SLC1A2: variants seen among roughly 807,000 people sequenced by gnomAD.
SLC1A2 encodes excitatory amino acid transporter 2.
In SLC1A2, 15 loss-of-function variants were observed where a neutral mutation model predicts 48.8. That is an observed-to-expected ratio of 0.31 (90% CI 0.21 to 0.47). The LOEUF (loss-of-function observed/expected upper bound fraction) is 0.47. Among genes scored for constraint, SLC1A2 ranks in the 20% least tolerant of loss-of-function variants. SLC1A2 has a pLI of 0.99. For synonymous variants in SLC1A2, 279 were observed against 272.6 expected (o/e 1.02, Z -0.23); for missense variants, 502 against 730.5 (o/e 0.69, Z 3.61).
intron 1 of SLC1A2, among the ~76,000 whole-genome samples, chr11:35,401,807 C>A (rs1053499003): frequency 1.3e-5 from 2 of 152,038 alleles, no homozygotes; most frequent in Non-Finnish European, 2.9e-5. Flanking sequence ...GTGTTGGAAA[C>A]CTTAAAGCGC....
intron 3 of SLC1A2, among the ~76,000 whole-genome samples, 184 bp downstream of exon 3, chr11:35,314,839 C>T (rs1033940908): frequency 1.4e-5 from 2 of 143,154 alleles, no homozygotes; most frequent in Non-Finnish European, 3.0e-5. Flanking sequence ...ACTGACTAAT[C>T]GATGGCAAGC....
intron 10 of SLC1A2, among the ~76,000 whole-genome samples, chr11:35,264,386 T>A (rs1020795252): frequency 1.3e-5 from 2 of 152,214 alleles, no homozygotes; most frequent in African/African-American, 4.8e-5. Flanking sequence ...GTCAAAAAGC[T>A]ACCAGAGATC....
At chr11:35,290,366 A>C (rs916480588) in intron 7 of SLC1A2, among the ~76,000 whole-genome samples, 1 of 152,214 alleles carries the variant, frequency 6.6e-6, no homozygotes, top group African/African-American at 2.4e-5. Context: ...ATTATTATGC[A>C]GTTTAAAAAA....
rs1312015281 is a variant in SLC1A2, at chr11:35,256,803, G to C, written c.*4091C>G. 2.0e-5 allele frequency: 3 copies of C among 152,082 alleles called. No individual in the cohort carries two copies. The highest frequency in any genetic ancestry group is 7.2e-5 in the African/African-American group (3 of 41,406). The allele number at this position is 152,082 out of a possible 1,614,324, so 9.4% of individuals were successfully genotyped here. On this transcript the variant is annotated 3_prime_UTR_variant, in exon 11 of 11. Coordinates refer to ENST00000278379, the MANE Select transcript of SLC1A2 (RefSeq NM_004171.4). ...CGTAAGAGTTAGAGAGCAGCTAGGTGAGAAAAATCACTTCCACTGGGGTAT... is the reference window on the plus strand; with the variant it reads ...CGTAAGAGTTAGAGAGCAGCTAGGTCAGAAAAATCACTTCCACTGGGGTAT...
At chr11:35,287,069 T>A in intron 7 of SLC1A2, 118 bp from the exon 8 acceptor site, 2 of 785,998 alleles carry the variant, frequency 2.5e-6, no homozygotes, top group Non-Finnish European at 4.1e-6. Context: ...AATCAAGCAA[T>A]GTGACATGCA....
Position 35,419,141 on chromosome 11 carries a change from G to C in SLC1A2, c.-175C>G. ...TTTAGCGCCTCAACGGGCGCAGGAG[G>C]CTCCTGCGGGCGCTAATCCGCGTCC... is the stretch of plus-strand genomic sequence containing the variant. On this transcript the variant is annotated 5_prime_UTR_variant, in exon 1 of 11. Transcript: ENST00000278379. This position sits in a 1 kb window ranked among gnomAD's most constrained non-coding sequence, Gnocchi z 5.4. 2.0e-6 allele frequency: 1 copy of C among 504,916 alleles called. No individual in the cohort carries two copies. Among genetic ancestry groups the C allele is most frequent in the Non-Finnish European group, 3.5e-6 (1 of 287,148 alleles). The allele number at this position is 504,916 out of a possible 1,614,324, so 31.3% of individuals were successfully genotyped here.
chr11:35,404,803 T>TA (rs1855236441), intron 1 of SLC1A2, among the ~76,000 whole-genome samples: 2 of 152,142 alleles, frequency 1.3e-5, no homozygotes, highest in African/African-American at 4.8e-5. Flanking sequence ...AGAAAGCAAA[T>TA]AAAGTAAAAA....
Position 35,419,253 on chromosome 11 carries a change from T to G in SLC1A2, c.-287A>C. ...AGCTCCGGGGGCTCCGAGGGTGGCT[T>G]CCCCGAGAGAGCGATGCGCCCAGGG... On this transcript the variant is annotated 5_prime_UTR_variant, in exon 1 of 11. Coordinates refer to ENST00000278379, the MANE Select transcript of SLC1A2 (RefSeq NM_004171.4). The surrounding 1 kb of genome is among the most constrained non-coding windows in gnomAD (Gnocchi z 5.4). 3 of 368,794 alleles carry G rather than the reference T, an allele frequency of 8.1e-6. No individual in the cohort carries two copies. Among genetic ancestry groups the G allele is most frequent in the Non-Finnish European group, 9.6e-6 (2 of 207,954 alleles). 22.8% of individuals were successfully genotyped at this position (368,794 alleles called of 1,614,324 possible).
At chr11:35,415,694 C>T (rs1439290271) in intron 1 of SLC1A2, among the ~76,000 whole-genome samples, 1 of 152,206 alleles carries the variant, frequency 6.6e-6, no homozygotes, top group East Asian at 1.9e-4. Context: ...CCACTGTCAG[C>T]AGTTTTCTGT....
At position 35,255,321 on chromosome 11, in the gene SLC1A2, C is replaced by G. The variant is rs112278284; in HGVS notation, c.*5573G>C. 0.051 allele frequency: 7,766 copies of G among 153,164 alleles called. 634 individuals carry two copies. Among genetic ancestry groups the G allele is most frequent in the African/African-American group, 0.17 (7,228 of 41,516 alleles). The allele number at this position is 153,164 out of a possible 1,614,324, so 9.5% of individuals were successfully genotyped here. ...CATGCATTGTATCCCATCCACCCTACAAACTAATCAGGCCTTGAAGAGGGC... is the reference window on the plus strand; with the variant it reads ...CATGCATTGTATCCCATCCACCCTAGAAACTAATCAGGCCTTGAAGAGGGC... On this transcript the variant is annotated 3_prime_UTR_variant, in exon 11 of 11. Coordinates refer to ENST00000278379, the MANE Select transcript of SLC1A2 (RefSeq NM_004171.4).
In SLC1A2 at chr11:35,251,226, T is replaced by C. The variant is rs1342573335; in HGVS notation, c.*9668A>G. On this transcript the variant is annotated 3_prime_UTR_variant, in exon 11 of 11. Transcript: ENST00000278379. ...AAAATAAATTGAAATCCACATTTAT[T>C]GATGAGAGATATATACACAAAAGTT... is the stretch of plus-strand genomic sequence containing the variant. 1 of 152,618 alleles carries C rather than the reference T, an allele frequency of 6.6e-6. No individual in the cohort carries two copies. The highest frequency in any genetic ancestry group is 1.5e-5 in the Non-Finnish European group (1 of 68,036). 9.5% of individuals were successfully genotyped at this position (152,618 alleles called of 1,614,324 possible).
At chr11:35,383,740 C>A (rs752874203) in intron 1 of SLC1A2, among the ~76,000 whole-genome samples, 1 of 152,170 alleles carries the variant, frequency 6.6e-6, no homozygotes. Context: ...AGAGCAAATA[C>A]CCTGTCTTTC....
chr11:35,277,236 C>G (rs960049358), intron 9 of SLC1A2, among the ~76,000 whole-genome samples: 1 of 152,166 alleles, frequency 6.6e-6, no homozygotes, highest in Admixed American at 6.5e-5. Flanking sequence ...CTTCTCCAAC[C>G]GTTCCAACTC....
intron 4 of SLC1A2, among the ~76,000 whole-genome samples, 153 bp from the exon 5 acceptor site, chr11:35,306,395 T>C (rs1440118488): frequency 6.6e-6 from 1 of 152,226 alleles, no homozygotes; most frequent in Non-Finnish European, 1.5e-5. Context: ...GAGAATATTT[T>C]ATATGTCTAT....
intron 1 of SLC1A2, among the ~76,000 whole-genome samples, chr11:35,342,521 T>TTTTTG (rs1475979290): frequency 5.3e-5 from 8 of 151,164 alleles, no homozygotes; most frequent in African/African-American, 1.5e-4. Context: ...GAGTGTTTTT[T>TTTTTG]TTGTTGTTGT....
intron 1 of SLC1A2, among the ~76,000 whole-genome samples, chr11:35,350,714 T>C (rs1047959992): frequency 2.0e-5 from 3 of 152,214 alleles, no homozygotes; most frequent in Non-Finnish European, 4.4e-5. Context: ...CCTTTGATGA[T>C]TTATTTAAAT....
intron 1 of SLC1A2, among the ~76,000 whole-genome samples, chr11:35,363,944 C>T (rs549931263): frequency 1.2e-4 from 18 of 152,220 alleles, no homozygotes; most frequent in Non-Finnish European, 2.1e-4. Context: ...TTTCCTGTTC[C>T]ACCAAAGACA....
intron 1 of SLC1A2, among the ~76,000 whole-genome samples, chr11:35,389,146 A>T (rs1854679912): frequency 6.6e-6 from 1 of 152,232 alleles, no homozygotes; most frequent in South Asian, 2.1e-4. Context: ...AGGGAAAAAA[A>T]ATATTTGTGG....
At chr11:35,271,924 T>C (rs926925409) in intron 9 of SLC1A2, among the ~76,000 whole-genome samples, 3 of 152,088 alleles carry the variant, frequency 2.0e-5, no homozygotes, top group East Asian at 1.9e-4. Flanking sequence ...GAGGTAGTGA[T>C]AGAAGCCAGC....
Sources: allele counts gnomAD v4.1 joint callset (sites outside exome capture counted in the v4.1 genomes callset), GRCh38; gene constraint gnomAD v4.1.1; non-coding constraint Gnocchi (gnomAD v3.1); transcripts MANE v1.5; gene names NCBI Gene and HGNC (gene_info 2026-07-23, HGNC 2026-07-21).